Variants in USP49 observed in about 807,000 individuals in gnomAD.
USP49 encodes ubiquitin carboxyl-terminal hydrolase 49.
A neutral mutation model predicts 58.6 loss-of-function variants in USP49; 24 were observed. The ratio of observed to expected loss-of-function variants is 0.41; its 90% CI spans 0.30 to 0.58. The LOEUF is 0.58. Among genes scored for constraint, USP49 ranks in the 20% least tolerant of loss-of-function variants. The pLI is 0.30. For synonymous variants in USP49, 408 were observed against 365.1 expected, an observed-to-expected ratio of 1.12 and a Z score of -1.34; for missense variants, 703 against 866.1, an observed-to-expected ratio of 0.81 and a Z score of 2.36.
At chr6:41,829,643 A>G (rs775274953) in intron 3 of USP49, among the ~76,000 whole-genome samples, 1 of 152,168 alleles carries the variant, frequency 6.6e-6, no homozygotes, top group Non-Finnish European at 1.5e-5. Context: ...GGATGTCTAC[A>G]TAGTCTTCAA....
At chr6:41,834,755 A>G (rs746094832) in intron 3 of USP49, among the ~76,000 whole-genome samples, 4 of 152,206 alleles carry the variant, frequency 2.6e-5, no homozygotes, top group Non-Finnish European at 4.4e-5. Flanking sequence ...AGCAGATGCC[A>G]CTATGCTTCC....
chr6:41,806,555 C>T lies in USP49; in HGVS notation c.429G>A (p.Leu143=). 6.2e-7 allele frequency: 1 copy of T among 1,602,420 alleles called. No homozygotes were observed. Among genetic ancestry groups the T allele is most frequent in the Admixed American group, 1.7e-5 (1 of 59,860 alleles). The change falls in exon 4 of 8, where the codon CTG becomes CTA. Residue 143 remains leucine, a synonymous_variant. Coordinates refer to ENST00000682992, the MANE Select transcript of USP49 (RefSeq NM_001286554.2). The surrounding 1 kb of genome is among the most constrained non-coding windows in gnomAD (Gnocchi z 5.9). Reference sequence around the variant, plus strand: ...CCAGCAGGCGCTGACGCCGGTACCACAGAGCCGTGAGCATCTGCGGCTGTC... The same window carrying T: ...CCAGCAGGCGCTGACGCCGGTACCATAGAGCCGTGAGCATCTGCGGCTGTC... ...PQGQPQMLTA[L]WYRRQRLLAR...
intron 2 of USP49, among the ~76,000 whole-genome samples, chr6:41,881,082 G>C (rs148156689): frequency 0.015 from 2,236 of 151,692 alleles, 55 homozygotes; most frequent in African/African-American, 0.052. Flanking sequence ...ACAGGCGCCT[G>C]CCACCACACC....
intron 5 of USP49, among the ~76,000 whole-genome samples, chr6:41,801,046 T>C (rs900621871): frequency 3.3e-5 from 5 of 152,234 alleles, no homozygotes; most frequent in Non-Finnish European, 7.3e-5. Flanking sequence ...TCCTCCCACC[T>C]TGGCCTCCCA....
intron 3 of USP49, among the ~76,000 whole-genome samples, chr6:41,870,688 A>ATTTTTTTTTT (rs70987539): frequency 1.1e-4 from 13 of 116,056 alleles, no homozygotes; most frequent in African/African-American, 2.3e-4. Flanking sequence ...CACCTGGCTA[A>ATTTTTTTTTT]TTTTTTTTTT....
At chr6:41,850,376 G>A (rs565382627) in intron 3 of USP49, among the ~76,000 whole-genome samples, 135 of 151,660 alleles carry the variant, frequency 8.9e-4, no homozygotes, top group African/African-American at 3.2e-3. Flanking sequence ...CTGGGAGGCA[G>A]AGGTTGCAGT....
chr6:41,878,772 A>G (rs1170325232), intron 2 of USP49, among the ~76,000 whole-genome samples: 1 of 152,182 alleles, frequency 6.6e-6, no homozygotes, highest in Non-Finnish European at 1.5e-5. Context: ...CCTAGATACC[A>G]TATTGTGTGA....
intron 3 of USP49, among the ~76,000 whole-genome samples, chr6:41,832,303 G>A (rs2127342575): frequency 6.6e-6 from 1 of 152,274 alleles, no homozygotes; most frequent in African/African-American, 2.4e-5. Context: ...ATTCTGTGAT[G>A]ATAGCTCATT....
chr6:41,861,755 G>A (rs1209777437), intron 3 of USP49, among the ~76,000 whole-genome samples: 2 of 151,092 alleles, frequency 1.3e-5, no homozygotes, highest in South Asian at 2.1e-4. Flanking sequence ...CTAGGCAGGA[G>A]TGCAGTGATC....
At chr6:41,828,001 A>AT (rs1216269628) in intron 3 of USP49, among the ~76,000 whole-genome samples, 1 of 152,196 alleles carries the variant, frequency 6.6e-6, no homozygotes, top group Admixed American at 6.5e-5. Context: ...AGAATTTAAA[A>AT]TTTTTTAAAT....
chr6:41,816,299 T>C (rs1561907905), intron 3 of USP49, among the ~76,000 whole-genome samples: 1 of 152,216 alleles, frequency 6.6e-6, no homozygotes, highest in Non-Finnish European at 1.5e-5. Flanking sequence ...ACCTCCTTTT[T>C]GTAGAAACTG....
In USP49 at chr6:41,795,644, G is replaced by C. The variant is rs1444997456; in HGVS notation, c.*889C>G. 3 of 152,186 alleles carry C rather than the reference G, an allele frequency of 2.0e-5. No individual in the cohort carries two copies. The highest frequency in any genetic ancestry group is 7.2e-5 in the African/African-American group (3 of 41,432). The allele number at this position is 152,186 out of a possible 1,614,324, so 9.4% of individuals were successfully genotyped here. A position where few individuals can be genotyped will look rare whatever the true frequency, so the allele number is the denominator to read the frequency against. ...GGTGACAGGCCTTCAATAAGCCCTG[G>C]AGCATCAGCTATCTCTGCCCACCCT... On this transcript the variant is annotated 3_prime_UTR_variant, in exon 8 of 8. Coordinates refer to ENST00000682992, the MANE Select transcript of USP49 (RefSeq NM_001286554.2).
intron 2 of USP49, among the ~76,000 whole-genome samples, chr6:41,872,566 T>C (rs1290620485): frequency 6.6e-6 from 1 of 151,052 alleles, no homozygotes; most frequent in African/African-American, 2.4e-5. Context: ...AAGTTTTAAA[T>C]TGGAGTACAT....
chr6:41,869,186 C>G (rs1334304503), intron 3 of USP49, among the ~76,000 whole-genome samples: 1 of 150,174 alleles, frequency 6.7e-6, no homozygotes, highest in Non-Finnish European at 1.5e-5. Context: ...TTGTCTACAC[C>G]ACCTAAGAAA....
At chr6:41,800,618 A>C (rs1378037952) in intron 5 of USP49, among the ~76,000 whole-genome samples, 1 of 152,230 alleles carries the variant, frequency 6.6e-6, no homozygotes, top group Non-Finnish European at 1.5e-5. Context: ...TTTTGTTTGC[A>C]CTAGGTAAGC....
At chr6:41,846,253 G>GTT (rs1773921177) in intron 3 of USP49, among the ~76,000 whole-genome samples, 1 of 152,048 alleles carries the variant, frequency 6.6e-6, no homozygotes, top group Non-Finnish European at 1.5e-5. Context: ...GGAGGTGGAG[G>GTT]TTGCAGTGAG....
intron 3 of USP49, among the ~76,000 whole-genome samples, chr6:41,843,589 G>C (rs576603251): frequency 6.6e-6 from 1 of 152,014 alleles, no homozygotes. Context: ...AGGCCCAACC[G>C]GGGTAACAAA....
chr6:41,881,288 C>CAAAAAAAAAAAAAAAAAAAAAAA (rs57022965), intron 2 of USP49, among the ~76,000 whole-genome samples: 4 of 20,388 alleles, frequency 2.0e-4, no homozygotes, highest in Non-Finnish European at 3.1e-4. Context: ...CATTAAATAC[C>CAAAAAAAAAAAAAAAAAAAAAAA]AAAAAAAAAA....
Position 41,803,504 on chromosome 6 carries a change from A to G in USP49, c.1561+302T>C, listed in dbSNP as rs1049208897. Among the ~76,000 whole-genome samples the G allele has an allele frequency of 1.3e-5, 2 of 152,152 alleles. No homozygotes were observed. The highest frequency in any genetic ancestry group is 1.3e-4 in the Admixed American group (2 of 15,276). On this transcript the variant is annotated intron_variant, in intron 5 of 7. Coordinates refer to ENST00000682992, the MANE Select transcript of USP49 (RefSeq NM_001286554.2). This position sits in a 1 kb window ranked among gnomAD's most constrained non-coding sequence, Gnocchi z 4.1. ...TTTTTAGTAGAGACAGGGTTTCACC[A>G]TGTTGGTCAGGCTGGTCTCAAACTC...
Sources: allele counts gnomAD v4.1 joint callset (sites outside exome capture counted in the v4.1 genomes callset), GRCh38; gene constraint gnomAD v4.1.1; non-coding constraint Gnocchi (gnomAD v3.1); transcripts MANE v1.5; gene names NCBI Gene and HGNC (gene_info 2026-07-23, HGNC 2026-07-21).